Variants in CTNND2 observed in about 807,000 individuals in gnomAD.
CTNND2 encodes the protein catenin delta-2.
In CTNND2, 22 loss-of-function variants were observed where a neutral mutation model predicts 144.4. That is an observed-to-expected ratio of 0.15 (90% CI 0.11 to 0.22). The LOEUF (loss-of-function observed/expected upper bound fraction) is 0.22, where lower values mean the gene tolerates loss of function less well. Among genes scored for constraint, CTNND2 ranks in the 10% least tolerant of loss-of-function variants. The pLI is 1.00. For missense variants in CTNND2, 1,353 were observed against 1,618.8 expected (o/e 0.84, Z 2.82); for synonymous variants, 751 against 695.6 (o/e 1.08, Z -1.25).
chr5:11,814,863 C>T (rs904802689), intron 1 of CTNND2, among the ~76,000 whole-genome samples: 2 of 152,140 alleles, frequency 1.3e-5, no homozygotes, highest in African/African-American at 2.4e-5. Context: ...GATTTCTAAA[C>T]AAGAGAACTG....
At chr5:11,370,635 CTAATT>C (rs1413427778) in intron 7 of CTNND2, among the ~76,000 whole-genome samples, 4 of 152,172 alleles carry the variant, frequency 2.6e-5, no homozygotes, top group Admixed American at 6.5e-5. Flanking sequence ...CTATGACTCT[CTAATT>C]TAATGCAAAT....
intron 9 of CTNND2, among the ~76,000 whole-genome samples, chr5:11,337,262 T>A (rs1753826353): frequency 6.6e-6 from 1 of 152,222 alleles, no homozygotes; most frequent in South Asian, 2.1e-4. Context: ...TACAAGCCAC[T>A]CTAATTCTCC....
intron 6 of CTNND2, among the ~76,000 whole-genome samples, chr5:11,390,399 C>A (rs979944474): frequency 2.0e-5 from 3 of 152,156 alleles, no homozygotes; most frequent in African/African-American, 7.2e-5. Context: ...ATTCTCAGAA[C>A]TTGAAAATTT....
intron 20 of CTNND2, among the ~76,000 whole-genome samples, chr5:10,983,992 T>C (rs1321011564): frequency 1.3e-5 from 2 of 152,136 alleles, no homozygotes; most frequent in Non-Finnish European, 2.9e-5. Context: ...CTGATCTTTC[T>C]CCCTGGAACT....
intron 9 of CTNND2, among the ~76,000 whole-genome samples, chr5:11,296,225 T>G (rs564523361): frequency 1.3e-5 from 2 of 151,792 alleles, no homozygotes; most frequent in Non-Finnish European, 2.9e-5. Context: ...AAAAAACACA[T>G]GAAAAAATGC....
At chr5:11,702,394 C>T (rs1785484238) in intron 2 of CTNND2, among the ~76,000 whole-genome samples, 1 of 152,168 alleles carries the variant, frequency 6.6e-6, no homozygotes, top group South Asian at 2.1e-4. Flanking sequence ...CAATCTATTG[C>T]CCTATAGTTA....
intron 16 of CTNND2, among the ~76,000 whole-genome samples, chr5:11,039,981 G>C (rs1744516960): frequency 1.3e-5 from 2 of 152,160 alleles, no homozygotes; most frequent in African/African-American, 4.8e-5. Flanking sequence ...AGAATCAGTT[G>C]GACCTGGGAG....
chr5:11,324,538 C>A (rs894556185), intron 9 of CTNND2, among the ~76,000 whole-genome samples: 6 of 152,224 alleles, frequency 3.9e-5, no homozygotes, highest in African/African-American at 1.4e-4. Flanking sequence ...CTTGTATTCA[C>A]AATCTGGGAA....
intron 1 of CTNND2, among the ~76,000 whole-genome samples, chr5:11,782,069 T>C (rs1038686480): frequency 1.3e-5 from 2 of 152,174 alleles, no homozygotes; most frequent in African/African-American, 2.4e-5. Flanking sequence ...GATAGTCACA[T>C]GAGAGCTGAT....
At chr5:11,696,644 C>T (rs1785153862) in intron 2 of CTNND2, among the ~76,000 whole-genome samples, 1 of 152,166 alleles carries the variant, frequency 6.6e-6, no homozygotes, top group Non-Finnish European at 1.5e-5. Context: ...GAAATGAGCG[C>T]TCATTGTTCA....
At position 11,497,515 on chromosome 5, in the gene CTNND2, G is replaced by GC. The variant is rs1327161909; in HGVS notation, c.287+67428_287+67429insG. Reference sequence around the variant, plus strand: ...CATGAGGCAAAGAATGATGTGCGGGGGGGTGGGGGGGGGCAATATGTGCAA... The same window carrying GC: ...CATGAGGCAAAGAATGATGTGCGGGGCGGGTGGGGGGGGGCAATATGTGCAA... On this transcript the variant is annotated intron_variant, in intron 3 of 21. Transcript: ENST00000304623. Among the ~76,000 whole-genome samples the GC allele has an allele frequency of 4.3e-3, 336 of 78,352 alleles. 18 individuals are homozygous for GC. The highest frequency in any genetic ancestry group is 0.017 in the African/African-American group (312 of 18,484). The allele number at this position is 78,352 out of a possible 152,430, so 51.4% of individuals were successfully genotyped here.
intron 15 of CTNND2, among the ~76,000 whole-genome samples, chr5:11,090,442 C>T (rs1186972010): frequency 2.0e-5 from 3 of 152,200 alleles, no homozygotes; most frequent in East Asian, 1.9e-4. Flanking sequence ...GGAACTGGGC[C>T]GTACAGCAGG....
chr5:11,306,328 T>G (rs1431283913), intron 9 of CTNND2, among the ~76,000 whole-genome samples: 1 of 152,204 alleles, frequency 6.6e-6, no homozygotes, highest in Non-Finnish European at 1.5e-5. Flanking sequence ...ATTTGCCATG[T>G]GAATTAAAGA....
At chr5:11,422,075 C>T (rs1233753946) in intron 3 of CTNND2, among the ~76,000 whole-genome samples, 2 of 152,076 alleles carry the variant, frequency 1.3e-5, no homozygotes, top group Admixed American at 1.3e-4. Context: ...AGAACAGAGG[C>T]CTGAGAGAGT....
intron 12 of CTNND2, among the ~76,000 whole-genome samples, chr5:11,145,958 G>A (rs1477306436): frequency 1.3e-5 from 2 of 152,062 alleles, no homozygotes; most frequent in South Asian, 2.1e-4. Flanking sequence ...ATCTCTCTGC[G>A]CCTTCACCGG....
intron 2 of CTNND2, among the ~76,000 whole-genome samples, chr5:11,683,991 G>A (rs912255288): frequency 2.0e-5 from 3 of 152,224 alleles, no homozygotes; most frequent in African/African-American, 7.2e-5. Context: ...TTCCAGGGAA[G>A]AGAATAAAAA....
At chr5:11,138,826 G>C (rs1287831626) in intron 12 of CTNND2, among the ~76,000 whole-genome samples, 2 of 152,124 alleles carry the variant, frequency 1.3e-5, no homozygotes, top group African/African-American at 2.4e-5. Context: ...ATCTCCAGTG[G>C]GGAGTGAATG....
At chr5:11,576,224 G>C (rs1048068992) in intron 2 of CTNND2, among the ~76,000 whole-genome samples, 1 of 151,820 alleles carries the variant, frequency 6.6e-6, no homozygotes, top group Non-Finnish European at 1.5e-5. Context: ...GTTCATACTT[G>C]CTTTCAATCT....
At chr5:11,512,216 A>C (rs1412147479) in intron 3 of CTNND2, among the ~76,000 whole-genome samples, 1 of 152,204 alleles carries the variant, frequency 6.6e-6, no homozygotes, top group African/African-American at 2.4e-5. Flanking sequence ...AATATTTTTG[A>C]ACAAAGGGCT....
Sources: gnomAD v4.1 joint callset for allele counts (sites outside exome capture counted in the v4.1 genomes callset) on GRCh38, gnomAD v4.1.1 for gene constraint, MANE v1.5 for transcripts, NCBI Gene and HGNC (gene_info 2026-07-23, HGNC 2026-07-21) for gene names.